EBF3: variants seen among roughly 807,000 people sequenced by gnomAD.
EBF3 encodes the protein EBF transcription factor 3.
Under a neutral mutation model 77.1 loss-of-function variants are expected in EBF3, and 18 were observed. The observed-to-expected ratio is 0.23, with a 90% CI of 0.16 to 0.35. The LOEUF (loss-of-function observed/expected upper bound fraction) is 0.35, where lower values mean the gene tolerates loss of function less well. Among genes scored for constraint, EBF3 ranks in the 10% least tolerant of loss-of-function variants. EBF3 has a pLI of 1.00. For synonymous variants in EBF3, 350 were observed against 343.5 expected, an observed-to-expected ratio of 1.02 and a Z score of -0.21; for missense variants, 558 against 860.0, an observed-to-expected ratio of 0.65 and a Z score of 4.39.
At chr10:129,898,913 T>TTGCATCCTCGGATAACG (rs1854585092) in intron 6 of EBF3, among the ~76,000 whole-genome samples, 1 of 152,210 alleles carries the variant, frequency 6.6e-6, no homozygotes, top group South Asian at 2.1e-4. Flanking sequence ...GCTATTAATT[T>TTGCATCCTCGGATAACG]TGCATCCTCG....
At position 129,877,795 on chromosome 10, in the gene EBF3, G is replaced by A. The variant is rs1852898877; in HGVS notation, c.609C>T (p.Gly203=). The A allele has an allele frequency of 6.2e-7, 1 of 1,613,804 alleles. No individual in the cohort carries two copies. Among genetic ancestry groups the A allele is most frequent in the South Asian group, 1.1e-5 (1 of 91,056 alleles). The change falls in exon 7 of 17, where the codon GGC becomes GGT. Residue 203 remains glycine, a synonymous_variant. Coordinates refer to ENST00000440978, the MANE Select transcript of EBF3 (RefSeq NM_001375380.1). ...KCNQNCLKNA[G]NPRDMRRFQV... is the part of the protein sequence containing the mutation. ...GGAATCTCCGCATATCTCGAGGGTT[G>A]CCTGCATTCTTCAAACAGTTCTGAT... is the stretch of plus-strand genomic sequence containing the variant.
intron 6 of EBF3, among the ~76,000 whole-genome samples, chr10:129,934,454 G>A (rs1388852572): frequency 6.6e-6 from 1 of 152,148 alleles, no homozygotes; most frequent in African/African-American, 2.4e-5. Flanking sequence ...AAGGCACCTC[G>A]CCGCACACAG....
At chr10:129,948,585 T>C (rs1370733493) in intron 6 of EBF3, among the ~76,000 whole-genome samples, 1 of 111,652 alleles carries the variant, frequency 9.0e-6, no homozygotes, top group Admixed American at 1.4e-4. Flanking sequence ...GTAATGAGGA[T>C]ACCACACCAA....
intron 7 of EBF3, among the ~76,000 whole-genome samples, chr10:129,877,141 A>G (rs891059844): frequency 2.0e-5 from 3 of 152,076 alleles, no homozygotes; most frequent in Non-Finnish European, 4.4e-5. Context: ...TATTCCCAAA[A>G]GGTTGCATTA....
At chr10:129,880,489 G>A (rs952142012) in intron 6 of EBF3, among the ~76,000 whole-genome samples, 2 of 150,342 alleles carry the variant, frequency 1.3e-5, no homozygotes, top group East Asian at 3.9e-4. Flanking sequence ...ACATACATAT[G>A]CACACACACA....
intron 6 of EBF3, among the ~76,000 whole-genome samples, chr10:129,883,491 T>A (rs746594772): frequency 3.3e-5 from 5 of 152,136 alleles, no homozygotes; most frequent in Admixed American, 1.3e-4. Flanking sequence ...GGCAGAGAGC[T>A]CTTAATAAGC....
chr10:129,953,333 T>C (rs1362024758), intron 6 of EBF3, among the ~76,000 whole-genome samples: 1 of 152,164 alleles, frequency 6.6e-6, no homozygotes, highest in East Asian at 1.9e-4. Flanking sequence ...TGAAAAGTAT[T>C]TTCAGAGCCC....
In EBF3 at chr10:129,839,028, G is replaced by A. The variant is rs138571230; in HGVS notation, c.1872+55C>T. On this transcript the variant is annotated intron_variant, in intron 16 of 16. Transcript: ENST00000440978. Reference sequence around the variant, plus strand: ...TCGGCGGCACTTCGGGGGCCTGGGCGTCCCTTCATACGCTAACGGATGTTG... The same window carrying A: ...TCGGCGGCACTTCGGGGGCCTGGGCATCCCTTCATACGCTAACGGATGTTG... 4.3e-4 allele frequency: 552 copies of A among 1,294,320 alleles called. 4 individuals are homozygous for A. The African/African-American group carries it at 7.5e-3, about 18-fold the overall frequency. The allele number at this position is 1,294,320 out of a possible 1,614,324, so 80.2% of individuals were successfully genotyped here.
chr10:129,963,652 G>A lies in EBF3; in HGVS notation c.117C>T (p.Ala39=). 1 of 1,489,330 alleles carries A rather than the reference G, an allele frequency of 6.7e-7. No individual in the cohort carries two copies. The highest frequency in any genetic ancestry group is 9.0e-7 in the Non-Finnish European group (1 of 1,110,096). 92.3% of individuals were successfully genotyped at this position (1,489,330 alleles called of 1,614,324 possible). A position where few individuals can be genotyped will look rare whatever the true frequency, so the allele number is the denominator to read the frequency against. The change falls in exon 1 of 17, where the codon GCC becomes GCT. Residue 39 remains alanine (A), a synonymous_variant. Transcript: ENST00000440978. The surrounding 1 kb of genome is among the most constrained non-coding windows in gnomAD (Gnocchi z 7.1). ...GTACGTACCTCTGGGCGGCCGTGTT[G>A]GCGTCCACCACGCCCGCCGTGTGCA... ...SWMHTAGVVD[A]NTAAQSGVGL...
rs1169490907 is a variant in EBF3, at chr10:129,870,492, C to T, written c.782-2580G>A. ...TCTGCAGCTTTCAGCGTGGCCCACC[C>T]TCCTGGGGCCCCGAGCTGCCAGGGT... On this transcript the variant is annotated intron_variant, in intron 8 of 16. Coordinates refer to ENST00000440978, the MANE Select transcript of EBF3 (RefSeq NM_001375380.1). This position sits in a 1 kb window ranked among gnomAD's most constrained non-coding sequence, Gnocchi z 4.4. 1.3e-5 allele frequency among the ~76,000 whole-genome samples: 2 copies of T among 152,082 alleles called. No homozygotes were observed. Among genetic ancestry groups the T allele is most frequent in the East Asian group, 1.9e-4 (1 of 5,146 alleles).
intron 6 of EBF3, among the ~76,000 whole-genome samples, chr10:129,919,829 C>T (rs890368449): frequency 2.0e-5 from 3 of 152,174 alleles, no homozygotes; most frequent in African/African-American, 7.2e-5. Flanking sequence ...GCAGGGGGAG[C>T]TCTGTTTGGG....
intron 6 of EBF3, among the ~76,000 whole-genome samples, chr10:129,955,717 C>T (rs902185344): frequency 1.3e-5 from 2 of 152,226 alleles, no homozygotes; most frequent in Non-Finnish European, 2.9e-5. Flanking sequence ...GCCAAATCAA[C>T]ATGGCTACTT....
chr10:129,842,190 C>T lies in EBF3; in HGVS notation c.1298G>A (p.Gly433Asp). Residue 433 changes from glycine to aspartate, a missense_variant, in exon 13 of 17, where the codon GGC becomes GAC. By Grantham distance (94) the Gly-to-Asp change is moderately conservative. This residue lies in a region of EBF3 where 284 missense variants were observed against 368.3 expected (regional missense o/e 0.77). Coordinates refer to ENST00000440978, the MANE Select transcript of EBF3 (RefSeq NM_001375380.1). The surrounding 1 kb of genome is among the most constrained non-coding windows in gnomAD (Gnocchi z 4.4). ...PTLGNNPAHT[G>D]MMGVNSFSSQ... ...GCTGAAGGAGTTGACGCCCATCATG[C>T]CCGTGTGTGCAGGGTTGTTGCCCAG... is the stretch of plus-strand genomic sequence containing the variant. 2 of 1,614,242 alleles carry T rather than the reference C, an allele frequency of 1.2e-6. No homozygotes were observed. Among genetic ancestry groups the T allele is most frequent in the Non-Finnish European group, 1.7e-6 (2 of 1,180,046 alleles).
intron 6 of EBF3, among the ~76,000 whole-genome samples, chr10:129,950,261 G>A (rs997201846): frequency 6.6e-6 from 1 of 152,158 alleles, no homozygotes; most frequent in Non-Finnish European, 1.5e-5. Flanking sequence ...GGGAAGGCGC[G>A]GCTGCTGCCC....
In EBF3 at chr10:129,842,136, G is replaced by T; in HGVS notation, c.1352C>A (p.Thr451Lys). 2 of 1,614,230 alleles carry T rather than the reference G, an allele frequency of 1.2e-6. No homozygotes were observed. The highest frequency in any genetic ancestry group is 1.3e-5 in the African/African-American group (1 of 75,062). ...CATACCTTGGTCGTTGGCTTGTGAC[G>T]TCTCTGACACGTTGACGGCTAGCTG... ...SSQLAVNVSE[T>K]SQANDQVGYS... Residue 451 changes from threonine to lysine, a missense_variant, in exon 13 of 17, where the codon ACG (threonine) becomes AAG (lysine). Coordinates refer to ENST00000440978, the MANE Select transcript of EBF3 (RefSeq NM_001375380.1). This position sits in a 1 kb window ranked among gnomAD's most constrained non-coding sequence, Gnocchi z 4.4.
At chr10:129,906,125 T>C (rs769213315) in intron 6 of EBF3, among the ~76,000 whole-genome samples, 43 of 152,214 alleles carry the variant, frequency 2.8e-4, no homozygotes, top group Non-Finnish European at 5.1e-4. Context: ...TTGAGAAATA[T>C]AGATAACAAT....
chr10:129,847,954 G>A (rs778631223), intron 11 of EBF3, among the ~76,000 whole-genome samples: 10 of 152,156 alleles, frequency 6.6e-5, no homozygotes, highest in Non-Finnish European at 1.5e-4. Flanking sequence ...AAACTGAATC[G>A]AGCTTTAGAA....
intron 7 of EBF3, among the ~76,000 whole-genome samples, chr10:129,875,459 G>C (rs1329096034): frequency 3.3e-5 from 5 of 152,172 alleles, no homozygotes; most frequent in Non-Finnish European, 5.9e-5. Flanking sequence ...GCCTCTCAAA[G>C]TGCTGGGATG....
intron 8 of EBF3, among the ~76,000 whole-genome samples, chr10:129,872,945 AC>A (rs980722828): frequency 3.4e-4 from 52 of 152,100 alleles, no homozygotes; most frequent in African/African-American, 3.6e-4. Context: ...AAAAAAAAAA[AC>A]GTATGCTGGT....
Sources: gnomAD v4.1 joint callset for allele counts (sites outside exome capture counted in the v4.1 genomes callset) on GRCh38, gnomAD v4.1.1 for gene constraint, gnomAD v4.1.1 regional missense constraint, Gnocchi (gnomAD v3.1) non-coding constraint, MANE v1.5 for transcripts, NCBI Gene and HGNC (gene_info 2026-07-23, HGNC 2026-07-21) for gene names.